Variants in PHACTR3 observed in about 807,000 individuals in gnomAD.
The protein encoded by PHACTR3 is phosphatase and actin regulator 3, also known as protein phosphatase 1, regulatory subunit 123.
A neutral mutation model predicts 66.8 loss-of-function variants in PHACTR3; 16 were observed. That is an observed-to-expected ratio of 0.24 (90% CI 0.16 to 0.36). PHACTR3 has a LOEUF of 0.36. Ranked by LOEUF, PHACTR3 falls within the 10% of genes least tolerant of loss-of-function variation. The pLI is 1.00. For missense variants in PHACTR3, 647 were observed against 719.9 expected (o/e 0.90, Z 1.16); for synonymous variants, 323 against 292.1 (o/e 1.11, Z -1.08).
At chr20:59,766,655 A>C (rs2040191326) in intron 4 of PHACTR3, among the ~76,000 whole-genome samples, 1 of 152,282 alleles carries the variant, frequency 6.6e-6, no homozygotes, top group Middle Eastern at 3.4e-3. Context: ...CTAGGCTGGC[A>C]TGCCAGATGT....
chr20:59,844,451 G>T (rs984541470), intron 11 of PHACTR3: 1 of 152,040 alleles, frequency 6.6e-6, no homozygotes, highest in African/African-American at 2.4e-5. Flanking sequence ...AATGTAGTGC[G>T]TGTATATATG....
chr20:59,660,055 G>C (rs1003349450), intron 1 of PHACTR3, among the ~76,000 whole-genome samples: 5 of 152,150 alleles, frequency 3.3e-5, no homozygotes, highest in African/African-American at 9.7e-5. Context: ...TCCCAGGATA[G>C]ATTTCTCTTG....
At chr20:59,801,928 C>T (rs2041425264) in intron 7 of PHACTR3, among the ~76,000 whole-genome samples, 1 of 152,204 alleles carries the variant, frequency 6.6e-6, no homozygotes, top group African/African-American at 2.4e-5. Context: ...GCATCTTCCT[C>T]ATCTTTGCTC....
At chr20:59,674,799 C>CTTCCCACCTTCTCCTG (rs1350372964) in intron 1 of PHACTR3, among the ~76,000 whole-genome samples, 9 of 39,998 alleles carry the variant, frequency 2.3e-4, no homozygotes, top group African/African-American at 7.3e-4. Context: ...CCCTTCTCCT[C>CTTCCCACCTTCTCCTG]TTCCCACCTT....
At chr20:59,627,715 G>C (rs571646446) in intron 1 of PHACTR3, among the ~76,000 whole-genome samples, 2 of 152,226 alleles carry the variant, frequency 1.3e-5, no homozygotes, top group Non-Finnish European at 2.9e-5. Context: ...TCCTGCTTAG[G>C]AAGCGTCTGT....
intron 1 of PHACTR3, among the ~76,000 whole-genome samples, chr20:59,666,791 A>G (rs114515563): frequency 5.8e-4 from 88 of 152,352 alleles, no homozygotes; most frequent in African/African-American, 2.1e-3. Flanking sequence ...GGAAGGGGAC[A>G]TGCAGGGCAG....
chr20:59,606,858 C>G (rs1384438271), intron 1 of PHACTR3, among the ~76,000 whole-genome samples: 3 of 152,182 alleles, frequency 2.0e-5, no homozygotes. Flanking sequence ...TCTGGTGCAA[C>G]TGGTCTAAAT....
chr20:59,579,702 G>A (rs1055268955), intron 1 of PHACTR3, among the ~76,000 whole-genome samples: 5 of 152,240 alleles, frequency 3.3e-5, no homozygotes, highest in African/African-American at 9.6e-5. Context: ...TTTATTTGGA[G>A]GCTATGGCAG....
At chr20:59,615,472 CAG>C (rs1327401517) in intron 1 of PHACTR3, among the ~76,000 whole-genome samples, 1 of 152,212 alleles carries the variant, frequency 6.6e-6, no homozygotes, top group African/African-American at 2.4e-5. Context: ...AGTAAAATGA[CAG>C]GGCACATATG....
chr20:59,812,596 G>A (rs2147022656), intron 8 of PHACTR3, among the ~76,000 whole-genome samples: 1 of 152,370 alleles, frequency 6.6e-6, no homozygotes, highest in South Asian at 2.1e-4. Flanking sequence ...GGGCTGCAAG[G>A]CGGAAACCGT....
chr20:59,729,380 G>C (rs753243676), intron 1 of PHACTR3, among the ~76,000 whole-genome samples: 1 of 152,138 alleles, frequency 6.6e-6, no homozygotes, highest in Non-Finnish European at 1.5e-5. Flanking sequence ...AAAGGAAAAG[G>C]AGACCGGGGC....
chr20:59,792,831 A>T (rs1285565208), intron 7 of PHACTR3, among the ~76,000 whole-genome samples: 3 of 152,068 alleles, frequency 2.0e-5, no homozygotes, highest in Non-Finnish European at 4.4e-5. Flanking sequence ...ATACCAAAAT[A>T]TTGTTTGGTA....
intron 1 of PHACTR3, among the ~76,000 whole-genome samples, chr20:59,605,846 C>CGGGGGG (rs200107140): frequency 6.4e-4 from 5 of 7,766 alleles, no homozygotes; most frequent in African/African-American, 1.8e-3. Flanking sequence ...CCTAATAAAG[C>CGGGGGG]GGGGGGGGAG....
chr20:59,654,488 A>G (rs1342413330), intron 1 of PHACTR3, among the ~76,000 whole-genome samples: 1 of 152,110 alleles, frequency 6.6e-6, no homozygotes, highest in Non-Finnish European at 1.5e-5. Flanking sequence ...GAATGTACTG[A>G]TCTCATTTTA....
At chr20:59,702,035 A>C (rs929491919) in intron 1 of PHACTR3, among the ~76,000 whole-genome samples, 6 of 152,132 alleles carry the variant, frequency 3.9e-5, no homozygotes. Flanking sequence ...TCCTGTCTCG[A>C]TAGCTCATTT....
rs1416388 is a variant in PHACTR3 at position 59,845,281 on chromosome 20, G to A, written c.1664+16G>A. On this transcript the variant is annotated intron_variant, in intron 12 of 12. Transcript: ENST00000371015. ...ACTTGACAAGGTCAGATTTGTTTCT[G>A]TGAATTTCATGGTACTTATTTTTGA... The A allele has an allele frequency of 0.55, 864,245 of 1,560,398 alleles. 247,788 individuals carry two copies. The highest frequency in any genetic ancestry group is 0.92 in the African/African-American group (67,641 of 73,568).
chr20:59,731,267 A>G (rs1023928414), intron 1 of PHACTR3, among the ~76,000 whole-genome samples: 1 of 152,186 alleles, frequency 6.6e-6, no homozygotes, highest in African/African-American at 2.4e-5. Context: ...TTTCTGTAAA[A>G]TATAATCTCA....
chr20:59,670,615 G>GA (rs2036164231), intron 1 of PHACTR3, among the ~76,000 whole-genome samples: 1 of 129,042 alleles, frequency 7.7e-6, no homozygotes. Flanking sequence ...TGGGGGGGGG[G>GA]GGCAGGCACT....
At chr20:59,831,629 G>A (rs554204774) in intron 8 of PHACTR3, among the ~76,000 whole-genome samples, 39 of 152,078 alleles carry the variant, frequency 2.6e-4, no homozygotes, top group Middle Eastern at 3.2e-3. Context: ...CACCTACCCC[G>A]CCCCACCCCT....
Sources: gnomAD v4.1 joint callset for allele counts (sites outside exome capture counted in the v4.1 genomes callset) on GRCh38, gnomAD v4.1.1 for gene constraint, MANE v1.5 for transcripts, NCBI Gene and HGNC (gene_info 2026-07-23, HGNC 2026-07-21) for gene names.